CPSF6: variants seen among roughly 807,000 people sequenced by gnomAD.
CPSF6 encodes cleavage and polyadenylation specificity factor subunit 6.
CPSF6 carries 10 observed loss-of-function variants against 56.7 expected under a neutral mutation model. That is an observed-to-expected ratio of 0.18 (90% CI 0.11 to 0.30). CPSF6 has a LOEUF of 0.30. Ranked by LOEUF, CPSF6 falls within the 10% of genes least tolerant of loss-of-function variation. The pLI, the probability that CPSF6 is intolerant of heterozygous loss-of-function variation, is 1.00. For synonymous variants in CPSF6, 248 were observed against 244.8 expected, an observed-to-expected ratio of 1.01 and a Z score of -0.12; for missense variants, 419 against 722.9, an observed-to-expected ratio of 0.58 and a Z score of 4.82.
rs559467640 is a variant in CPSF6, at chr12:69,271,830, T to G, written c.*2322T>G. 9.2e-5 allele frequency: 14 copies of G among 151,876 alleles called. No individual in the cohort carries two copies. Among genetic ancestry groups the G allele is most frequent in the African/African-American group, 3.4e-4 (14 of 41,544 alleles). The allele number at this position is 151,876 out of a possible 1,614,324, so 9.4% of individuals were successfully genotyped here. ...TTATGGGTTAATGTTATTTGAAAAC[T>G]CTTCCTTTTTTTAATGTGTAAAAAC... is the stretch of plus-strand genomic sequence containing the variant. On this transcript the variant is annotated 3_prime_UTR_variant, in exon 10 of 10. Transcript: ENST00000435070.
chr12:69,257,391 A>C (rs2120556956), intron 4 of CPSF6, among the ~76,000 whole-genome samples: 1 of 152,360 alleles, frequency 6.6e-6, no homozygotes, highest in African/African-American at 2.4e-5. Context: ...AGCACTTAAG[A>C]CTTAACTGAA....
intron 2 of CPSF6, chr12:69,252,044 CA>C (rs1259620955): frequency 3.1e-5 from 14 of 455,710 alleles, no homozygotes; most frequent in Middle Eastern, 6.5e-4. Context: ...TCCTTAATAA[CA>C]CTGTATTTTT....
At chr12:69,241,342 C>T (rs780263775) in intron 1 of CPSF6, among the ~76,000 whole-genome samples, 5 of 152,102 alleles carry the variant, frequency 3.3e-5, no homozygotes, top group African/African-American at 4.8e-5. Context: ...GCTTATAAGA[C>T]CTCTAGGAAA....
At chr12:69,259,589 A>G (rs1387619174) in intron 7 of CPSF6, 46 bp downstream of exon 7, 4 of 1,504,036 alleles carry the variant, frequency 2.7e-6, no homozygotes, top group Non-Finnish European at 3.6e-6. Flanking sequence ...TGTTATTAGG[A>G]ATGACCTAAA....
At position 69,271,593 on chromosome 12, in the gene CPSF6, A is replaced by C. The variant is rs937177454; in HGVS notation, c.*2085A>C. On this transcript the variant is annotated 3_prime_UTR_variant, in exon 10 of 10. Coordinates refer to ENST00000435070, the MANE Select transcript of CPSF6 (RefSeq NM_007007.3). ...TATCACTCTTCTCCTTGCTTGGCTG[A>C]TCTCATTACATGACTTTCGTTACAG... 6.6e-6 allele frequency: 1 copy of C among 151,658 alleles called. No homozygotes were observed. The highest frequency in any genetic ancestry group is 1.5e-5 in the Non-Finnish European group (1 of 67,690). The allele number at this position is 151,658 out of a possible 1,614,324, so 9.4% of individuals were successfully genotyped here.
At chr12:69,254,444 A>C (rs1202544107) in intron 3 of CPSF6, among the ~76,000 whole-genome samples, 2 of 152,168 alleles carry the variant, frequency 1.3e-5, no homozygotes, top group African/African-American at 4.8e-5. Flanking sequence ...TCAGGACTCA[A>C]ACTGTTTAAG....
At chr12:69,242,187 A>G (rs1871659485) in intron 1 of CPSF6, among the ~76,000 whole-genome samples, 1 of 141,226 alleles carries the variant, frequency 7.1e-6, no homozygotes, top group Non-Finnish European at 1.5e-5. Context: ...TTTGGCTTCA[A>G]AGCTGTTGTA....
chr12:69,264,313 A>G (rs556052237), intron 9 of CPSF6, among the ~76,000 whole-genome samples: 10 of 152,238 alleles, frequency 6.6e-5, no homozygotes, highest in African/African-American at 2.2e-4. Flanking sequence ...GAATTCATCT[A>G]CAAAATTGGA....
Position 69,273,172 on chromosome 12 carries a change from C to T in CPSF6, c.*3664C>T. ...GCTTCTGGGAGGAAGTTCTTATACT[C>T]TTCTTTCTTGGCATTAGAAAGAAGC... is the stretch of plus-strand genomic sequence containing the variant. On this transcript the variant is annotated 3_prime_UTR_variant, in exon 10 of 10. Coordinates refer to ENST00000435070, the MANE Select transcript of CPSF6 (RefSeq NM_007007.3). The T allele has an allele frequency of 1.9e-6, 1 of 516,384 alleles. No homozygotes were observed. The highest frequency in any genetic ancestry group is 3.3e-4 in the Middle Eastern group (1 of 3,056). The allele number at this position is 516,384 out of a possible 1,614,324, so 32.0% of individuals were successfully genotyped here.
chr12:69,249,399 A>G (rs1278889023), intron 1 of CPSF6, among the ~76,000 whole-genome samples: 1 of 139,736 alleles, frequency 7.2e-6, no homozygotes, highest in African/African-American at 2.7e-5. Flanking sequence ...GTTTACCATC[A>G]TATAACAAAT....
Position 69,257,839 on chromosome 12 carries a change from G to T in CPSF6, c.628G>T (p.Ala210Ser), listed in dbSNP as rs764218040. 1 of 1,612,822 alleles carries T rather than the reference G, an allele frequency of 6.2e-7. No homozygotes were observed. Among genetic ancestry groups the T allele is most frequent in the Non-Finnish European group, 8.5e-7 (1 of 1,179,678 alleles). ...GGRGRGRFPGAVPGGDRFPGP... is the reference protein window; with the variant it reads ...GGRGRGRFPGSVPGGDRFPGP... Reference sequence around the variant, plus strand: ...TAGAGGACGGGGCCGTTTTCCAGGGGCTGTTCCTGGTGGGGACAGATTTCC... The same window carrying T: ...TAGAGGACGGGGCCGTTTTCCAGGGTCTGTTCCTGGTGGGGACAGATTTCC... Residue 210 changes from alanine to serine, a missense_variant, in exon 5 of 10, where the codon GCT (alanine) becomes TCT (serine). This residue lies in a region of CPSF6 where 211 missense variants were observed against 296.0 expected (regional missense o/e 0.71). Transcript: ENST00000435070.
intron 1 of CPSF6, among the ~76,000 whole-genome samples, chr12:69,243,720 T>TG: frequency 6.6e-6 from 1 of 152,318 alleles, no homozygotes; most frequent in African/African-American, 2.4e-5. Context: ...AAGTGAGTGG[T>TG]GGGTGAATGT....
rs1565647987 is a variant in CPSF6 at position 69,258,546 on chromosome 12, T to C, written c.695-44T>C. The C allele has an allele frequency of 5.4e-6, 8 of 1,484,916 alleles. No individual in the cohort carries two copies. The highest frequency in any genetic ancestry group is 1.3e-5 in the South Asian group (1 of 75,810). The allele number at this position is 1,484,916 out of a possible 1,614,324, so 92.0% of individuals were successfully genotyped here. On this transcript the variant is annotated intron_variant, in intron 5 of 9. Coordinates refer to ENST00000435070, the MANE Select transcript of CPSF6 (RefSeq NM_007007.3). This position sits in a 1 kb window ranked among gnomAD's most constrained non-coding sequence, Gnocchi z 4.2. Reference sequence around the variant, plus strand: ...GGCATATAAAAGTTAAAATATCTTATTAGTGAAGTGTTTTTTTTTCTCTCT... The same window carrying C: ...GGCATATAAAAGTTAAAATATCTTACTAGTGAAGTGTTTTTTTTTCTCTCT...
Position 69,270,910 on chromosome 12 carries a change from A to G in CPSF6, c.*1402A>G, listed in dbSNP as rs1873210350. On this transcript the variant is annotated 3_prime_UTR_variant, in exon 10 of 10. Coordinates refer to ENST00000435070, the MANE Select transcript of CPSF6 (RefSeq NM_007007.3). ...GTTAATATGTTTTTAAGATCTGATT[A>G]TCTTTGAGAGATCTTCTGTTAATAC... is the stretch of plus-strand genomic sequence containing the variant. The G allele has an allele frequency of 6.6e-6, 1 of 151,812 alleles. No individual in the cohort carries two copies. Among genetic ancestry groups the G allele is most frequent in the Non-Finnish European group, 1.5e-5 (1 of 67,720 alleles). The allele number at this position is 151,812 out of a possible 1,614,324, so 9.4% of individuals were successfully genotyped here.
At position 69,259,054 on chromosome 12, in the gene CPSF6, C is replaced by A; in HGVS notation, c.1159C>A (p.Pro387Thr). 1 of 1,604,210 alleles carries A rather than the reference C, an allele frequency of 6.2e-7. No homozygotes were observed. The highest frequency in any genetic ancestry group is 8.5e-7 in the Non-Finnish European group (1 of 1,179,920). Residue 387 changes from proline to threonine, a missense_variant, in exon 6 of 10, where the codon CCT (proline) becomes ACT (threonine). By Grantham distance (38) the Pro-to-Thr change is conservative. Coordinates refer to ENST00000435070, the MANE Select transcript of CPSF6 (RefSeq NM_007007.3). ...GPPPTDPYGR[P>T]PPYDRGDYGP... Reference sequence around the variant, plus strand: ...ACCACCAACAGATCCATATGGGCGACCTCCACCATATGATAGGGGTGACTA... The same window carrying A: ...ACCACCAACAGATCCATATGGGCGAACTCCACCATATGATAGGGGTGACTA...
At chr12:69,241,040 T>G (rs1347240814) in intron 1 of CPSF6, among the ~76,000 whole-genome samples, 1 of 152,252 alleles carries the variant, frequency 6.6e-6, no homozygotes, top group African/African-American at 2.4e-5. Context: ...CGTGACTAGT[T>G]GCTCAGGCTT....
chr12:69,261,926 A>T (rs920530403), intron 8 of CPSF6, among the ~76,000 whole-genome samples: 1 of 152,190 alleles, frequency 6.6e-6, no homozygotes, highest in Non-Finnish European at 1.5e-5. Flanking sequence ...GATGCTGCTC[A>T]TGAACCATAT....
At chr12:69,257,671 G>A in intron 4 of CPSF6, 61 bp from the exon 5 acceptor site, 1 of 1,444,850 alleles carries the variant, frequency 6.9e-7, no homozygotes. Context: ...TAATAATAGT[G>A]GTTACATTTC....
chr12:69,247,435 G>T (rs1357841096), intron 1 of CPSF6, among the ~76,000 whole-genome samples: 1 of 150,476 alleles, frequency 6.6e-6, no homozygotes, highest in Non-Finnish European at 1.5e-5. Context: ...AACATAGCTG[G>T]CTAGCTACTA....
Sources: allele counts gnomAD v4.1 joint callset (sites outside exome capture counted in the v4.1 genomes callset), GRCh38; gene constraint gnomAD v4.1.1; regional missense constraint gnomAD v4.1.1; non-coding constraint Gnocchi (gnomAD v3.1); transcripts MANE v1.5; gene names NCBI Gene and HGNC (gene_info 2026-07-23, HGNC 2026-07-21).